Variants in GIPC2 observed in about 807,000 individuals in gnomAD.
The protein encoded by GIPC2 is GIPC PDZ domain containing family member 2, also known as PDZ domain-containing protein GIPC2.
GIPC2 carries 30 observed loss-of-function variants against 30.6 expected under a neutral mutation model. The observed-to-expected ratio is 0.98, with a 90% CI of 0.73 to 1.33. The LOEUF (loss-of-function observed/expected upper bound fraction) is 1.33, where lower values mean the gene tolerates loss of function less well. Ranked by LOEUF, GIPC2 falls within the 40% of genes most tolerant of loss-of-function variation. The pLI, the probability that GIPC2 is intolerant of heterozygous loss-of-function variation, is 0.00. For missense variants in GIPC2, 414 were observed against 390.3 expected, an observed-to-expected ratio of 1.06 and a Z score of -0.51; for synonymous variants, 167 against 150.0, an observed-to-expected ratio of 1.11 and a Z score of -0.83.
chr1:78,084,439 A>G (rs542324642), intron 2 of GIPC2, among the ~76,000 whole-genome samples: 28 of 148,836 alleles, frequency 1.9e-4, no homozygotes, highest in Non-Finnish European at 3.3e-4. Flanking sequence ...TGAGCCTGGG[A>G]GGTGGAGGTT....
intron 3 of GIPC2, among the ~76,000 whole-genome samples, chr1:78,095,464 T>C (rs1662121166): frequency 6.6e-6 from 1 of 152,216 alleles, no homozygotes; most frequent in Non-Finnish European, 1.5e-5. Context: ...AGTAAGATTT[T>C]TGACTGAGCT....
intron 2 of GIPC2, chr1:78,091,562 G>T: frequency 2.6e-6 from 2 of 756,720 alleles, no homozygotes; most frequent in South Asian, 2.7e-5. Context: ...GGATTTCAGC[G>T]GCAACCTCTC....
rs577908369 is a variant in GIPC2 at position 78,057,924 on chromosome 1, T to A, written c.240+11590T>A. On this transcript the variant is annotated intron_variant, in intron 1 of 5. Coordinates refer to ENST00000370759, the MANE Select transcript of GIPC2 (RefSeq NM_017655.6). ...ATTGTTGGGTTATTCTCTGAACTCT[T>A]ATAAATTATAGGTTTTCTTTTTATA... Among the ~76,000 whole-genome samples, 3 of 152,354 alleles carry A rather than the reference T, an allele frequency of 2.0e-5. No individual in the cohort carries two copies. The East Asian group carries it at 5.8e-4, about 29-fold the overall frequency.
At chr1:78,101,057 C>T (rs943929168) in intron 3 of GIPC2, among the ~76,000 whole-genome samples, 12 of 151,326 alleles carry the variant, frequency 7.9e-5, no homozygotes, top group African/African-American at 2.7e-4. Flanking sequence ...TTTGATTGGT[C>T]GCAGAAGCTA....
chr1:78,092,096 G>A (rs1000425465), intron 2 of GIPC2: 3 of 1,291,556 alleles, frequency 2.3e-6, no homozygotes, highest in Non-Finnish European at 3.4e-6. Flanking sequence ...GTCTGTGGGT[G>A]GCCTGTGGTA....
chr1:78,065,067 A>G (rs762359496), intron 1 of GIPC2, among the ~76,000 whole-genome samples: 1 of 151,998 alleles, frequency 6.6e-6, no homozygotes, highest in Non-Finnish European at 1.5e-5. Flanking sequence ...TTGAACTCCT[A>G]AACTCATGTG....
At position 78,130,121 on chromosome 1, in the gene GIPC2, T is replaced by TC. The variant is rs1553145809; in HGVS notation, c.796+4160dup. Among the ~76,000 whole-genome samples, 15 of 146,740 alleles carry TC rather than the reference T, an allele frequency of 1.0e-4. 1 individual carries two copies. The highest frequency in any genetic ancestry group is 1.8e-4 in the Non-Finnish European group (12 of 66,836). On this transcript the variant is annotated intron_variant, in intron 5 of 5. Transcript: ENST00000370759. Reference sequence around the variant, plus strand: ...TAGGATCACTTTTTTTTTTTTTTTTTCAGACAGAGTCTTGCTCTGTCACCC... The same window carrying TC: ...TAGGATCACTTTTTTTTTTTTTTTTTCCAGACAGAGTCTTGCTCTGTCACCC...
In GIPC2 at chr1:78,091,599, G is replaced by C. The variant is rs143795985; in HGVS notation, c.427-3353G>C. ...GCCAAGTCCTTCGCGATCTTCTTCG[G>C]GAATGCGTTCGTCGTGTCTGCCATC... On this transcript the variant is annotated intron_variant, in intron 2 of 5. Transcript: ENST00000370759. The C allele has an allele frequency of 3.4e-4, 263 of 764,348 alleles. 3 individuals are homozygous for C. Among genetic ancestry groups the C allele is most frequent in the South Asian group, 3.0e-3 (220 of 73,932 alleles). 47.3% of individuals were successfully genotyped at this position (764,348 alleles called of 1,614,324 possible). A position where few individuals can be genotyped will look rare whatever the true frequency, so the allele number is the denominator to read the frequency against.
At chr1:78,109,433 GAGGT>G (rs989498230) in intron 3 of GIPC2, among the ~76,000 whole-genome samples, 2 of 152,202 alleles carry the variant, frequency 1.3e-5, no homozygotes, top group Non-Finnish European at 2.9e-5. Flanking sequence ...AATGCAAAAT[GAGGT>G]AGTGTTTCTA....
At chr1:78,056,877 G>A (rs1195782846) in intron 1 of GIPC2, among the ~76,000 whole-genome samples, 1 of 152,090 alleles carries the variant, frequency 6.6e-6, no homozygotes, top group East Asian at 1.9e-4. Flanking sequence ...ATGTTTTTGA[G>A]TCTTTTTTAA....
chr1:78,125,811 C>T, intron 4 of GIPC2, 70 bp from the exon 5 acceptor site: 1 of 821,428 alleles, frequency 1.2e-6, no homozygotes, highest in Non-Finnish European at 2.1e-6. Flanking sequence ...ATCAGGCTTT[C>T]TCTTGTGTAT....
At chr1:78,054,526 G>C (rs1470280314) in intron 1 of GIPC2, among the ~76,000 whole-genome samples, 1 of 152,132 alleles carries the variant, frequency 6.6e-6, no homozygotes, top group East Asian at 1.9e-4. Flanking sequence ...CAAAGTAGAA[G>C]CACACTCAAC....
intron 3 of GIPC2, among the ~76,000 whole-genome samples, chr1:78,118,496 G>A (rs1473557302): frequency 6.6e-6 from 1 of 151,976 alleles, no homozygotes; most frequent in Non-Finnish European, 1.5e-5. Context: ...GTTACTGCTT[G>A]GTAACATATT....
chr1:78,087,973 A>C (rs1661962980), intron 2 of GIPC2, among the ~76,000 whole-genome samples: 1 of 152,182 alleles, frequency 6.6e-6, no homozygotes, highest in African/African-American at 2.4e-5. Context: ...GCAGACACAC[A>C]TGTGGCCAAC....
rs1169589924 is a variant in GIPC2, at chr1:78,136,502, T to A, written c.*759T>A. 6.6e-6 allele frequency: 1 copy of A among 152,030 alleles called. No homozygotes were observed. Among genetic ancestry groups the A allele is most frequent in the Non-Finnish European group, 1.5e-5 (1 of 67,986 alleles). 9.4% of individuals were successfully genotyped at this position (152,030 alleles called of 1,614,324 possible). A position where few individuals can be genotyped will look rare whatever the true frequency, so the allele number is the denominator to read the frequency against. ...TTAAAACATTATTTCTTTTTTTCAC[T>A]CATAGCCACTTTTATGTTACCTTTT... On this transcript the variant is annotated 3_prime_UTR_variant, in exon 6 of 6. Coordinates refer to ENST00000370759, the MANE Select transcript of GIPC2 (RefSeq NM_017655.6).
chr1:78,134,506 A>C (rs898114896), intron 5 of GIPC2, among the ~76,000 whole-genome samples: 1 of 151,960 alleles, frequency 6.6e-6, no homozygotes, highest in Non-Finnish European at 1.5e-5. Flanking sequence ...CTGCCTGGCC[A>C]TATAGAAGCC....
chr1:78,120,733 A>G (rs1662665701), intron 4 of GIPC2, among the ~76,000 whole-genome samples: 2 of 152,202 alleles, frequency 1.3e-5, no homozygotes, highest in South Asian at 4.1e-4. Context: ...AAACCGTCAG[A>G]TCTTGTGAGA....
In GIPC2 at chr1:78,118,247, CAAAAAAAAAA is replaced by C. The variant is rs71810685; in HGVS notation, c.608-1132_608-1123del. ...CTGGCCTGAGTCTCCAGTTTCATTG[CAAAAAAAAAA>C]AAAAAAAAAAAAAGTGGATGATCTG... On this transcript the variant is annotated intron_variant, in intron 3 of 5. Coordinates refer to ENST00000370759, the MANE Select transcript of GIPC2 (RefSeq NM_017655.6). 5.3e-4 allele frequency among the ~76,000 whole-genome samples: 18 copies of C among 34,230 alleles called. 3 individuals are homozygous for C. Among genetic ancestry groups the C allele is most frequent in the Admixed American group, 1.6e-3 (4 of 2,478 alleles). 22.5% of individuals were successfully genotyped at this position (34,230 alleles called of 152,430 possible). A position where few individuals can be genotyped will look rare whatever the true frequency, so the allele number is the denominator to read the frequency against.
intron 2 of GIPC2, chr1:78,092,189 T>A (rs1662055483): frequency 1.7e-6 from 1 of 588,508 alleles, no homozygotes; most frequent in African/African-American, 1.9e-5. Flanking sequence ...CCCAAGGGAA[T>A]GTAATTGAAA....
Sources: gnomAD v4.1 joint callset for allele counts (sites outside exome capture counted in the v4.1 genomes callset) on GRCh38, gnomAD v4.1.1 for gene constraint, MANE v1.5 for transcripts, NCBI Gene and HGNC (gene_info 2026-07-23, HGNC 2026-07-21) for gene names.